CLVS2: variants seen among roughly 807,000 people sequenced by gnomAD.
CLVS2 encodes the protein clavesin-2.
A neutral mutation model predicts 29.0 loss-of-function variants in CLVS2; 19 were observed. The ratio of observed to expected loss-of-function variants is 0.66; its 90% CI spans 0.46 to 0.96. The LOEUF (loss-of-function observed/expected upper bound fraction) is 0.96. Ranked by LOEUF, CLVS2 falls within the 40% of genes least tolerant of loss-of-function variation. The pLI is 0.00. For missense variants in CLVS2, 294 were observed against 404.1 expected (o/e 0.73, Z 2.34); for synonymous variants, 161 against 151.3 (o/e 1.06, Z -0.47).
chr6:123,049,377 C>T (rs988260886), intron 4 of CLVS2, among the ~76,000 whole-genome samples: 2 of 152,142 alleles, frequency 1.3e-5, no homozygotes, highest in Non-Finnish European at 2.9e-5. Flanking sequence ...AAGGTAAATA[C>T]TGAACACATT....
At chr6:123,013,429 T>G (rs889260641) in intron 3 of CLVS2, among the ~76,000 whole-genome samples, 2 of 151,980 alleles carry the variant, frequency 1.3e-5, no homozygotes, top group Non-Finnish European at 2.9e-5. Context: ...TATGCCATAA[T>G]TCTGCTATCA....
At chr6:123,000,268 G>A (rs140154129) in intron 2 of CLVS2, among the ~76,000 whole-genome samples, 2 of 152,172 alleles carry the variant, frequency 1.3e-5, no homozygotes, top group African/African-American at 4.8e-5. Flanking sequence ...GTATACAAGT[G>A]ATTTAGAGCT....
At chr6:123,054,831 T>C (rs1772670307) in intron 4 of CLVS2, among the ~76,000 whole-genome samples, 1 of 152,078 alleles carries the variant, frequency 6.6e-6, no homozygotes, top group Admixed American at 6.5e-5. Flanking sequence ...AAGTTTTTTT[T>C]TTTTTAAAGC....
Position 123,067,457 on chromosome 6 carries a change from A to G in CLVS2, c.*3696A>G, listed in dbSNP as rs542479190. 6.6e-6 allele frequency: 1 copy of G among 151,774 alleles called. No homozygotes were observed. The highest frequency in any genetic ancestry group is 2.4e-5 in the African/African-American group (1 of 41,514). The allele number at this position is 151,774 out of a possible 1,614,324, so 9.4% of individuals were successfully genotyped here. ...AGGCTGTACACTCTTCTGTTGTTTT[A>G]TTTAAAGGTCTGCCTTGTGTGGTTG... On this transcript the variant is annotated 3_prime_UTR_variant, in exon 6 of 6. Transcript: ENST00000275162.
At chr6:123,038,215 C>A (rs1775181450) in intron 3 of CLVS2, among the ~76,000 whole-genome samples, 1 of 152,168 alleles carries the variant, frequency 6.6e-6, no homozygotes, top group Non-Finnish European at 1.5e-5. Flanking sequence ...CTTCCCTCAT[C>A]CCTCCAACTT....
chr6:123,029,411 C>T (rs1416639930), intron 3 of CLVS2, among the ~76,000 whole-genome samples: 1 of 152,080 alleles, frequency 6.6e-6, no homozygotes, highest in East Asian at 1.9e-4. Flanking sequence ...AAGAGATATC[C>T]ATAGAAAGCC....
intron 4 of CLVS2, among the ~76,000 whole-genome samples, chr6:123,055,506 GC>G (rs1466933161): frequency 6.6e-6 from 1 of 152,068 alleles, no homozygotes; most frequent in African/African-American, 2.4e-5. Context: ...GTATTATTCT[GC>G]CCATGTCCCT....
chr6:123,060,132 T>A (rs1032473889), intron 5 of CLVS2, among the ~76,000 whole-genome samples: 15 of 152,228 alleles, frequency 9.9e-5, no homozygotes, highest in Non-Finnish European at 2.2e-4. Flanking sequence ...TTTTGTAGTT[T>A]TATGATATCT....
rs1256259618 is a variant in CLVS2, at chr6:123,070,372, T to G, written c.*6611T>G. 6.6e-6 allele frequency: 1 copy of G among 151,944 alleles called. No individual in the cohort carries two copies. Among genetic ancestry groups the G allele is most frequent in the Non-Finnish European group, 1.5e-5 (1 of 67,892 alleles). The allele number at this position is 151,944 out of a possible 1,614,324, so 9.4% of individuals were successfully genotyped here. On this transcript the variant is annotated 3_prime_UTR_variant, in exon 6 of 6. Transcript: ENST00000275162. Reference sequence around the variant, plus strand: ...CTACATCACATCAGCTAGCTCATGCTGTTGGGTCTTCAAAATATATCCACA... The same window carrying G: ...CTACATCACATCAGCTAGCTCATGCGGTTGGGTCTTCAAAATATATCCACA...
At chr6:123,035,788 T>C (rs1379303000) in intron 3 of CLVS2, among the ~76,000 whole-genome samples, 1 of 152,102 alleles carries the variant, frequency 6.6e-6, no homozygotes, top group East Asian at 1.9e-4. Flanking sequence ...AAGGAAAAAG[T>C]TGAAGCTAGG....
At chr6:123,032,950 A>G (rs1373843475) in intron 3 of CLVS2, among the ~76,000 whole-genome samples, 1 of 151,982 alleles carries the variant, frequency 6.6e-6, no homozygotes, top group Non-Finnish European at 1.5e-5. Flanking sequence ...TTTGTTGTCT[A>G]TTGTTTCTTT....
At chr6:123,007,819 A>G (rs1447735909) in intron 2 of CLVS2, among the ~76,000 whole-genome samples, 1 of 152,208 alleles carries the variant, frequency 6.6e-6, no homozygotes, top group East Asian at 1.9e-4. Context: ...TTTGATTTAT[A>G]GCTTTCTTTC....
chr6:123,001,722 A>G (rs376810266), intron 2 of CLVS2, among the ~76,000 whole-genome samples: 3 of 152,348 alleles, frequency 2.0e-5, no homozygotes, highest in African/African-American at 7.2e-5. Context: ...GGTTCGCAGG[A>G]TCTTATCAAC....
At chr6:123,056,281 G>A (rs774055914) in intron 5 of CLVS2, among the ~76,000 whole-genome samples, 29 of 152,054 alleles carry the variant, frequency 1.9e-4, no homozygotes, top group Non-Finnish European at 4.0e-4. Flanking sequence ...GAAAACTGTA[G>A]TAACCCTGAT....
chr6:123,000,562 C>T (rs773375922), intron 2 of CLVS2, among the ~76,000 whole-genome samples: 1 of 152,134 alleles, frequency 6.6e-6, no homozygotes. Flanking sequence ...CCCGAAGGCT[C>T]CTTGACTCCT....
Position 123,065,173 on chromosome 6 carries a change from A to G in CLVS2, c.*1412A>G, listed in dbSNP as rs1192706207. ...ATTTGCATATTTAACATTTTATTTCATAAAATTTATACAATTACAGCAAAT... is the reference window on the plus strand; with the variant it reads ...ATTTGCATATTTAACATTTTATTTCGTAAAATTTATACAATTACAGCAAAT... On this transcript the variant is annotated 3_prime_UTR_variant, in exon 6 of 6. Transcript: ENST00000275162. The G allele has an allele frequency of 2.6e-5, 4 of 151,906 alleles. No homozygotes were observed. Among genetic ancestry groups the G allele is most frequent in the Non-Finnish European group, 5.9e-5 (4 of 67,842 alleles). The allele number at this position is 151,906 out of a possible 1,614,324, so 9.4% of individuals were successfully genotyped here.
chr6:123,056,287 C>T (rs1392934071), intron 5 of CLVS2, among the ~76,000 whole-genome samples: 2 of 151,994 alleles, frequency 1.3e-5, no homozygotes, highest in African/African-American at 4.8e-5. Flanking sequence ...TGTAGTAACC[C>T]TGATGTATGA....
rs74651721 is a variant in CLVS2, at chr6:123,024,216, C to T, written c.564+13057C>T. Among the ~76,000 whole-genome samples, 834 of 152,238 alleles carry T rather than the reference C, an allele frequency of 5.5e-3. 7 individuals are homozygous for T. Among genetic ancestry groups the T allele is most frequent in the East Asian group, 0.013 (65 of 5,172 alleles). On this transcript the variant is annotated intron_variant, in intron 3 of 5. Transcript: ENST00000275162. ...TAGTTTTTCCCTTAGAAGTTTATGG[C>T]CACTGCCTCTGGCCTTCCATGTTGT... is the stretch of plus-strand genomic sequence containing the variant.
intron 3 of CLVS2, among the ~76,000 whole-genome samples, chr6:123,045,417 G>A (rs1772472896): frequency 6.6e-6 from 1 of 151,754 alleles, no homozygotes; most frequent in Non-Finnish European, 1.5e-5. Flanking sequence ...TGCCCACATT[G>A]GCTACTGCTG....
Sources: allele counts gnomAD v4.1 joint callset (sites outside exome capture counted in the v4.1 genomes callset), GRCh38; gene constraint gnomAD v4.1.1; transcripts MANE v1.5; gene names NCBI Gene and HGNC (gene_info 2026-07-23, HGNC 2026-07-21).